SEPTIN9: variants seen among roughly 807,000 people sequenced by gnomAD.
The protein encoded by SEPTIN9 is septin 9, also known as septin-9.
SEPTIN9 carries 13 observed loss-of-function variants against 56.6 expected under a neutral mutation model. The ratio of observed to expected loss-of-function variants is 0.23; its 90% CI spans 0.15 to 0.37. The LOEUF (loss-of-function observed/expected upper bound fraction) is 0.37. Ranked by LOEUF, SEPTIN9 falls within the 10% of genes least tolerant of loss-of-function variation. SEPTIN9 has a pLI of 1.00. For missense variants in SEPTIN9, 650 were observed against 823.1 expected (o/e 0.79, Z 2.57); for synonymous variants, 332 against 334.1 (o/e 0.99, Z 0.07).
chr17:77,373,405 G>A, intron 2 of SEPTIN9: 1 of 1,260,920 alleles, frequency 7.9e-7, no homozygotes, highest in Non-Finnish European at 9.9e-7. Context: ...AGGAGCGCGG[G>A]CGCGGCGCCC....
intron 3 of SEPTIN9, among the ~76,000 whole-genome samples, chr17:77,404,454 C>T (rs2035998558): frequency 6.6e-6 from 1 of 152,156 alleles, no homozygotes; most frequent in Non-Finnish European, 1.5e-5. Context: ...CACTAGGTTG[C>T]CCAGGCTGGT....
In SEPTIN9 at chr17:77,318,891, C is replaced by T. The variant is rs1033487559; in HGVS notation, c.76+11694C>T. Among the ~76,000 whole-genome samples, 8 of 152,030 alleles carry T rather than the reference C, an allele frequency of 5.3e-5. No homozygotes were observed. Among genetic ancestry groups the T allele is most frequent in the African/African-American group, 1.2e-4 (5 of 41,380 alleles). Reference sequence around the variant, plus strand: ...AAACTCAGAGGCCTGCGGGGTGTGTCGAGGTAGAGGGGTGCAAATATTGTA... The same window carrying T: ...AAACTCAGAGGCCTGCGGGGTGTGTTGAGGTAGAGGGGTGCAAATATTGTA... On this transcript the variant is annotated intron_variant, in intron 2 of 11. Coordinates refer to ENST00000427177, the MANE Select transcript of SEPTIN9 (RefSeq NM_001113491.2). This position sits in a 1 kb window ranked among gnomAD's most constrained non-coding sequence, Gnocchi z 4.9.
rs2033954680 is a variant in SEPTIN9 at position 77,348,354 on chromosome 17, A to G, written c.76+41157A>G. 3.0e-5 allele frequency among the ~76,000 whole-genome samples: 4 copies of G among 135,266 alleles called. No homozygotes were observed. The South Asian group carries it at 9.8e-4, about 33-fold the overall frequency. 88.7% of individuals were successfully genotyped at this position (135,266 alleles called of 152,430 possible). A position where few individuals can be genotyped will look rare whatever the true frequency, so the allele number is the denominator to read the frequency against. On this transcript the variant is annotated intron_variant, in intron 2 of 11. Transcript: ENST00000427177. Reference sequence around the variant, plus strand: ...CACTCTGTTGCCCAGGCTGGAGTGCAATAGCATGATCTTGGCTCACTGCAA... The same window carrying G: ...CACTCTGTTGCCCAGGCTGGAGTGCGATAGCATGATCTTGGCTCACTGCAA...
chr17:77,468,876 G>A (rs915768668), intron 3 of SEPTIN9, among the ~76,000 whole-genome samples: 7 of 152,214 alleles, frequency 4.6e-5, no homozygotes, highest in Admixed American at 6.5e-5. Context: ...GAGTGGATTC[G>A]GAGTAATGGA....
At position 77,429,261 on chromosome 17, in the gene SEPTIN9, C is replaced by T. The variant is rs758781092; in HGVS notation, c.721+26558C>T. 3 of 471,204 alleles carry T rather than the reference C, an allele frequency of 6.4e-6. No individual in the cohort carries two copies. Among genetic ancestry groups the T allele is most frequent in the Non-Finnish European group, 1.3e-5 (3 of 227,204 alleles). 29.2% of individuals were successfully genotyped at this position (471,204 alleles called of 1,614,324 possible). ...GAAGCTCGTTGACCGTGACCTTGATCTGACCGTAATTTTGATGGTGCCGAT... is the reference window on the plus strand; with the variant it reads ...GAAGCTCGTTGACCGTGACCTTGATTTGACCGTAATTTTGATGGTGCCGAT... On this transcript the variant is annotated intron_variant, in intron 3 of 11. Transcript: ENST00000427177. The surrounding 1 kb of genome is among the most constrained non-coding windows in gnomAD (Gnocchi z 5.2).
At chr17:77,411,852 G>A (rs1196050099) in intron 3 of SEPTIN9, among the ~76,000 whole-genome samples, 1 of 152,094 alleles carries the variant, frequency 6.6e-6, no homozygotes, top group African/African-American at 2.4e-5. Context: ...TTGATCTGCT[G>A]GGCACAGTGG....
At chr17:77,281,579 AG>A in intron 1 of SEPTIN9, 25 bp downstream of exon 1, 1 of 1,534,736 alleles carries the variant, frequency 6.5e-7, no homozygotes, top group Non-Finnish European at 8.8e-7. Flanking sequence ...CGGGGTGGGG[AG>A]GGGTCGGTGT....
intron 1 of SEPTIN9, chr17:77,286,314 C>T (rs1470333222): frequency 1.3e-5 from 2 of 152,380 alleles, no homozygotes; most frequent in African/African-American, 4.8e-5. Flanking sequence ...GTCAGATCTC[C>T]CCGGCCTGCC....
intron 2 of SEPTIN9, among the ~76,000 whole-genome samples, chr17:77,321,874 G>T (rs2032949638): frequency 6.6e-6 from 1 of 152,254 alleles, no homozygotes; most frequent in Non-Finnish European, 1.5e-5. Context: ...CGCTGGGACG[G>T]GTGGGTGTGG....
intron 3 of SEPTIN9, among the ~76,000 whole-genome samples, chr17:77,465,231 T>TATG (rs1458238600): frequency 1.3e-5 from 2 of 152,254 alleles, no homozygotes; most frequent in Admixed American, 1.3e-4. Flanking sequence ...TGTGTATCTC[T>TATG]TCATCTGCTG....
chr17:77,332,141 G>C (rs2033389125), intron 2 of SEPTIN9, among the ~76,000 whole-genome samples: 1 of 152,070 alleles, frequency 6.6e-6, no homozygotes, highest in Non-Finnish European at 1.5e-5. Flanking sequence ...GTCAGGCATG[G>C]TGGTGCAGGC....
chr17:77,296,789 G>A (rs889780728), intron 1 of SEPTIN9, among the ~76,000 whole-genome samples: 3 of 152,108 alleles, frequency 2.0e-5, no homozygotes, highest in Non-Finnish European at 4.4e-5. Flanking sequence ...GGAGGTGGAG[G>A]TTGCAGTGAG....
rs533894738 is a variant in SEPTIN9 at position 77,446,287 on chromosome 17, G to A, written c.722-35857G>A. On this transcript the variant is annotated intron_variant, in intron 3 of 11. Coordinates refer to ENST00000427177, the MANE Select transcript of SEPTIN9 (RefSeq NM_001113491.2). ...GCTCTGCTGGAGTTCCTTGGCTTGC[G>A]GCTGCATCCCTCCAGCCTCTGCCTC... 3 of 167,100 alleles carry A rather than the reference G, an allele frequency of 1.8e-5. No individual in the cohort carries two copies. The Admixed American group carries it at 2.0e-4, about 11-fold the overall frequency. 10.4% of individuals were successfully genotyped at this position (167,100 alleles called of 1,614,324 possible). A position where few individuals can be genotyped will look rare whatever the true frequency, so the allele number is the denominator to read the frequency against.
At chr17:77,486,794 C>G (rs1490588270) in intron 4 of SEPTIN9, among the ~76,000 whole-genome samples, 1 of 152,212 alleles carries the variant, frequency 6.6e-6, no homozygotes, top group East Asian at 1.9e-4. Flanking sequence ...GTGGCACCAC[C>G]CTGCAGGCCA....
chr17:77,334,540 T>C (rs1317977988), intron 2 of SEPTIN9, among the ~76,000 whole-genome samples: 1 of 152,080 alleles, frequency 6.6e-6, no homozygotes, highest in Admixed American at 6.5e-5. Context: ...TTCCTTTTGG[T>C]TTTCTTAATG....
At chr17:77,387,858 T>C (rs1105409) in intron 2 of SEPTIN9, among the ~76,000 whole-genome samples, 53,327 of 150,112 alleles carry the variant, frequency 0.36, 10,741 homozygotes, top group Non-Finnish European at 0.46. Context: ...CTGGGGAAGG[T>C]GCCTGATCTA....
In SEPTIN9 at chr17:77,423,049, C is replaced by CTT. The variant is rs58563625; in HGVS notation, c.721+20347_721+20348dup. Among the ~76,000 whole-genome samples, 441 of 151,610 alleles carry CTT rather than the reference C, an allele frequency of 2.9e-3. 1 individual carries two copies. Among genetic ancestry groups the CTT allele is most frequent in the African/African-American group, 9.8e-3 (406 of 41,408 alleles). On this transcript the variant is annotated intron_variant, in intron 3 of 11. Coordinates refer to ENST00000427177, the MANE Select transcript of SEPTIN9 (RefSeq NM_001113491.2). ...AGACAATACCTGCATCTTTTTTTTT[C>CTT]TTGAGGCTGTCTTGCTCGCTCTGTC...
rs905056933 is a variant in SEPTIN9 at position 77,499,935 on chromosome 17, G to T, written c.*1277G>T. The T allele has an allele frequency of 3.3e-5, 8 of 241,074 alleles. No individual in the cohort carries two copies. The highest frequency in any genetic ancestry group is 5.7e-5 in the Non-Finnish European group (7 of 122,640). The allele number at this position is 241,074 out of a possible 1,614,324, so 14.9% of individuals were successfully genotyped here. ...GTCCACAGCTGAAGAGCAAGGTTTC[G>T]TGGCAGCACGGCCCGGCCCCTCACC... On this transcript the variant is annotated 3_prime_UTR_variant, in exon 12 of 12. Transcript: ENST00000427177.
intron 1 of SEPTIN9, 125 bp from the exon 2 acceptor site, chr17:77,307,016 C>T (rs2032295050): frequency 3.3e-6 from 3 of 921,972 alleles, no homozygotes; most frequent in Admixed American, 1.7e-5. Context: ...CCCAGATGGG[C>T]CCCGTTTCTG....
Sources: allele counts gnomAD v4.1 joint callset (sites outside exome capture counted in the v4.1 genomes callset), GRCh38; gene constraint gnomAD v4.1.1; non-coding constraint Gnocchi (gnomAD v3.1); transcripts MANE v1.5; gene names NCBI Gene and HGNC (gene_info 2026-07-23, HGNC 2026-07-21).